The following GPC5 variants were observed in gnomAD, a reference collection of about 807,000 sequenced individuals.
The protein encoded by GPC5 is glypican 5, also known as glypican-5.
A neutral mutation model predicts 53.9 loss-of-function variants in GPC5; 47 were observed. The ratio of observed to expected loss-of-function variants is 0.87; its 90% CI spans 0.69 to 1.11. The LOEUF is 1.11. Ranked by LOEUF, GPC5 falls within the 50% of genes most tolerant of loss-of-function variation. The probability of loss-of-function intolerance (pLI) is 0.00; values close to 1 mark genes in which losing one functional copy is unlikely to be tolerated. For synonymous variants in GPC5, 286 were observed against 263.3 expected, an observed-to-expected ratio of 1.09 and a Z score of -0.84; for missense variants, 748 against 713.1, an observed-to-expected ratio of 1.05 and a Z score of -0.56.
At chr13:92,806,908 T>C (rs538039794) in intron 7 of GPC5, among the ~76,000 whole-genome samples, 1 of 152,214 alleles carries the variant, frequency 6.6e-6, no homozygotes, top group East Asian at 1.9e-4. Flanking sequence ...CACATCCTGT[T>C]GGGGAATTGG....
rs80090378 is a variant in GPC5, at chr13:92,341,935, T to C, written c.1561+196946T>C. 1.8e-3 allele frequency among the ~76,000 whole-genome samples: 272 copies of C among 152,280 alleles called. 9 individuals are homozygous for C. The East Asian group carries it at 0.047, about 26-fold the overall frequency. On this transcript the variant is annotated intron_variant, in intron 7 of 7. Transcript: ENST00000377067. ...TATGAAACGGGAAATTGGAGCAGATTGTTTCTGAGAAGAAATACTGTTTTG... is the reference window on the plus strand; with the variant it reads ...TATGAAACGGGAAATTGGAGCAGATCGTTTCTGAGAAGAAATACTGTTTTG...
intron 7 of GPC5, among the ~76,000 whole-genome samples, chr13:92,781,028 C>T (rs1594502634): frequency 6.6e-6 from 1 of 152,108 alleles, no homozygotes; most frequent in African/African-American, 2.4e-5. Context: ...CATGTACGTG[C>T]ACACGCACAC....
In GPC5 at chr13:92,299,142, C is replaced by T. The variant is rs375330108; in HGVS notation, c.1561+154153C>T. On this transcript the variant is annotated intron_variant, in intron 7 of 7. Coordinates refer to ENST00000377067, the MANE Select transcript of GPC5 (RefSeq NM_004466.6). ...GAAATGGAAATAAAAGTTTGAAATACGTGATGTATGTCACTCCAACTCTTA... is the reference window on the plus strand; with the variant it reads ...GAAATGGAAATAAAAGTTTGAAATATGTGATGTATGTCACTCCAACTCTTA... Among the ~76,000 whole-genome samples the T allele has an allele frequency of 7.2e-5, 11 of 152,176 alleles. No homozygotes were observed. In the South Asian group the frequency reaches 8.3e-4, roughly 11 times the overall value.
chr13:92,277,158 G>C (rs2042881826), intron 7 of GPC5, among the ~76,000 whole-genome samples: 1 of 151,762 alleles, frequency 6.6e-6, no homozygotes, highest in East Asian at 1.9e-4. Flanking sequence ...CATTGAAATA[G>C]TTTCACAATT....
intron 7 of GPC5, among the ~76,000 whole-genome samples, chr13:92,808,240 T>C (rs77354797): frequency 0.016 from 2,458 of 152,216 alleles, 36 homozygotes; most frequent in Non-Finnish European, 0.022. Flanking sequence ...GATTTTGTAA[T>C]GCTTTGAAAG....
intron 7 of GPC5, among the ~76,000 whole-genome samples, chr13:92,149,165 C>T (rs2041889469): frequency 6.6e-6 from 1 of 152,012 alleles, no homozygotes; most frequent in Admixed American, 6.6e-5. Context: ...CTGGGCTTCT[C>T]CTCATCATTC....
At position 91,801,445 on chromosome 13, in the gene GPC5, G is replaced by A. The variant is rs112741547; in HGVS notation, c.1280+45025G>A. On this transcript the variant is annotated intron_variant, in intron 5 of 7. Coordinates refer to ENST00000377067, the MANE Select transcript of GPC5 (RefSeq NM_004466.6). ...AGCATTCATAATTTTTCTTGGCACA[G>A]TTCTTCCTTGTGTTTCTTATACATG... is the stretch of plus-strand genomic sequence containing the variant. Among the ~76,000 whole-genome samples, 1,482 of 152,218 alleles carry A rather than the reference G, an allele frequency of 9.7e-3. 20 individuals carry two copies. The highest frequency in any genetic ancestry group is 0.034 in the African/African-American group (1,420 of 41,544).
At chr13:92,291,806 G>A (rs147443840) in intron 7 of GPC5, among the ~76,000 whole-genome samples, 1,845 of 152,060 alleles carry the variant, frequency 0.012, 37 homozygotes, top group Middle Eastern at 0.044. Context: ...CAAACCCACC[G>A]GGAGGAACGA....
At chr13:91,906,265 C>T (rs564963133) in intron 5 of GPC5, among the ~76,000 whole-genome samples, 1 of 152,108 alleles carries the variant, frequency 6.6e-6, no homozygotes, top group Non-Finnish European at 1.5e-5. Context: ...TTCTCGTTAA[C>T]CATACCACAG....
At chr13:91,430,217 T>A (rs1490636092) in intron 1 of GPC5, among the ~76,000 whole-genome samples, 1 of 152,050 alleles carries the variant, frequency 6.6e-6, no homozygotes, top group Non-Finnish European at 1.5e-5. Context: ...CAGGAGAAAT[T>A]TTAGCACAAA....
chr13:92,127,291 GTGTATATA>G (rs932919781), intron 6 of GPC5, among the ~76,000 whole-genome samples: 8 of 151,514 alleles, frequency 5.3e-5, no homozygotes, highest in Admixed American at 1.3e-4. Context: ...ATATATATGT[GTGTATATA>G]TGTATATATG....
intron 6 of GPC5, among the ~76,000 whole-genome samples, chr13:92,014,908 C>G (rs1427306560): frequency 6.6e-6 from 1 of 151,716 alleles, no homozygotes; most frequent in African/African-American, 2.4e-5. Flanking sequence ...TATGGGAGTG[C>G]CTTGATTCTT....
At chr13:91,802,006 CAT>C (rs1032086920) in intron 5 of GPC5, among the ~76,000 whole-genome samples, 35 of 151,806 alleles carry the variant, frequency 2.3e-4, no homozygotes, top group African/African-American at 8.5e-4. Flanking sequence ...ATGTACTAAA[CAT>C]ATAAGCATTC....
At chr13:92,699,783 G>A (rs1191894340) in intron 7 of GPC5, among the ~76,000 whole-genome samples, 5 of 152,078 alleles carry the variant, frequency 3.3e-5, no homozygotes, top group Non-Finnish European at 7.4e-5. Context: ...TTGCACTGTG[G>A]TCTGATAGAC....
intron 1 of GPC5, among the ~76,000 whole-genome samples, chr13:91,402,246 C>G (rs527672358): frequency 6.6e-6 from 1 of 152,150 alleles, no homozygotes; most frequent in Non-Finnish European, 1.5e-5. Context: ...AGTATACTCT[C>G]GATATCAAGT....
chr13:91,686,934 T>C (rs888968135), intron 2 of GPC5, among the ~76,000 whole-genome samples: 2 of 151,986 alleles, frequency 1.3e-5, no homozygotes, highest in Non-Finnish European at 2.9e-5. Context: ...CAGATATACA[T>C]TGTAAAATCA....
intron 6 of GPC5, among the ~76,000 whole-genome samples, chr13:91,987,134 A>G (rs1403185059): frequency 6.6e-6 from 1 of 152,238 alleles, no homozygotes; most frequent in African/African-American, 2.4e-5. Context: ...TTCCTTAAAC[A>G]ACTTTTAAAA....
intron 6 of GPC5, among the ~76,000 whole-genome samples, chr13:92,103,704 G>T (rs889249012): frequency 4.6e-5 from 7 of 152,102 alleles, no homozygotes; most frequent in African/African-American, 1.4e-4. Context: ...TAACTCTCTC[G>T]GCATTTAGCA....
chr13:92,560,094 A>G (rs1882646692), intron 7 of GPC5, among the ~76,000 whole-genome samples: 1 of 151,922 alleles, frequency 6.6e-6, no homozygotes, highest in Non-Finnish European at 1.5e-5. Flanking sequence ...ATGAAAGACA[A>G]TTATTAAGTA....
Sources: allele counts gnomAD v4.1 joint callset (sites outside exome capture counted in the v4.1 genomes callset), GRCh38; gene constraint gnomAD v4.1.1; transcripts MANE v1.5; gene names NCBI Gene and HGNC (gene_info 2026-07-23, HGNC 2026-07-21).